The following NKAIN3 variants were observed in gnomAD, a reference collection of about 807,000 sequenced individuals.
NKAIN3 encodes sodium/potassium-transporting ATPase subunit beta-1-interacting protein 3.
Under a neutral mutation model 30.2 loss-of-function variants are expected in NKAIN3, and 25 were observed. The observed-to-expected ratio is 0.83, with a 90% CI of 0.60 to 1.16. NKAIN3 has a LOEUF of 1.16. NKAIN3 is among the 50% of genes most tolerant of loss of function. NKAIN3 has a pLI of 0.00. For missense variants in NKAIN3, 225 were observed against 254.1 expected, an observed-to-expected ratio of 0.89 and a Z score of 0.78; for synonymous variants, 91 against 89.6, an observed-to-expected ratio of 1.02 and a Z score of -0.09.
chr8:62,908,801 A>G (rs184468400), intron 4 of NKAIN3, among the ~76,000 whole-genome samples: 146 of 152,326 alleles, frequency 9.6e-4, no homozygotes, highest in Middle Eastern at 6.8e-3. Context: ...TATTAGAAGC[A>G]TGAGAACAGA....
intron 1 of NKAIN3, among the ~76,000 whole-genome samples, chr8:62,544,782 CT>C (rs1034812644): frequency 1.3e-5 from 2 of 152,076 alleles, no homozygotes; most frequent in Non-Finnish European, 2.9e-5. Context: ...TTGCATATAA[CT>C]TTTGACTCTC....
intron 1 of NKAIN3, among the ~76,000 whole-genome samples, chr8:62,504,942 A>G (rs1401105882): frequency 1.3e-5 from 2 of 152,178 alleles, no homozygotes; most frequent in Non-Finnish European, 2.9e-5. Context: ...AATGCCAGTT[A>G]CTTTAGCCAG....
intron 1 of NKAIN3, among the ~76,000 whole-genome samples, chr8:62,500,457 GAAAGAAAGAA>G (rs1479119481): frequency 4.1e-5 from 5 of 121,224 alleles, no homozygotes; most frequent in Non-Finnish European, 5.0e-5. Flanking sequence ...AAGAAAGAAA[GAAAGAAAGAA>G]AGAAAGAAAG....
intron 1 of NKAIN3, among the ~76,000 whole-genome samples, chr8:62,454,428 A>G (rs567706938): frequency 6.6e-6 from 1 of 151,570 alleles, no homozygotes; most frequent in Middle Eastern, 3.4e-3. Flanking sequence ...GTTGGATTGG[A>G]CAAGCTTGTA....
chr8:62,585,531 G>A (rs1810442246), intron 2 of NKAIN3, among the ~76,000 whole-genome samples: 1 of 152,156 alleles, frequency 6.6e-6, no homozygotes, highest in African/African-American at 2.4e-5. Flanking sequence ...GAGGTTGGGC[G>A]AGTTGGTTTT....
At chr8:62,271,897 T>C (rs73683077) in intron 1 of NKAIN3, among the ~76,000 whole-genome samples, 5,065 of 152,236 alleles carry the variant, frequency 0.033, 312 homozygotes, top group African/African-American at 0.12. Flanking sequence ...GCCTCCATGT[T>C]GCGGTGAGGG....
intron 1 of NKAIN3, among the ~76,000 whole-genome samples, chr8:62,265,694 T>G (rs1453496997): frequency 6.6e-6 from 1 of 152,216 alleles, no homozygotes; most frequent in Non-Finnish European, 1.5e-5. Context: ...AAGCTCTGCA[T>G]GGTGAAAACT....
intron 4 of NKAIN3, among the ~76,000 whole-genome samples, chr8:62,810,524 A>G (rs1018334256): frequency 2.0e-5 from 3 of 151,978 alleles, no homozygotes; most frequent in African/African-American, 7.3e-5. Flanking sequence ...GTCAAACTAG[A>G]TATCTCTTTT....
At chr8:62,602,133 TG>T (rs1387361922) in intron 3 of NKAIN3, among the ~76,000 whole-genome samples, 2 of 152,056 alleles carry the variant, frequency 1.3e-5, no homozygotes, top group African/African-American at 4.8e-5. Context: ...TGCCACAACC[TG>T]GGTAGTATTA....
chr8:62,731,616 C>G (rs1283596959), intron 3 of NKAIN3, among the ~76,000 whole-genome samples: 1 of 152,082 alleles, frequency 6.6e-6, no homozygotes, highest in Non-Finnish European at 1.5e-5. Flanking sequence ...GAAGTTAGCT[C>G]GGGCTCCCAT....
intron 4 of NKAIN3, among the ~76,000 whole-genome samples, chr8:62,754,349 C>T (rs761248208): frequency 7.3e-6 from 1 of 136,108 alleles, no homozygotes; most frequent in East Asian, 2.1e-4. Flanking sequence ...TTCATATGCT[C>T]ATGTTGATTA....
At chr8:62,848,883 A>G (rs549763386) in intron 4 of NKAIN3, among the ~76,000 whole-genome samples, 22 of 152,240 alleles carry the variant, frequency 1.4e-4, no homozygotes, top group Middle Eastern at 3.4e-3. Flanking sequence ...GGGATGTTAA[A>G]TTTTATCAAA....
At chr8:62,711,093 A>G (rs1388606729) in intron 3 of NKAIN3, among the ~76,000 whole-genome samples, 1 of 152,146 alleles carries the variant, frequency 6.6e-6, no homozygotes, top group Admixed American at 6.5e-5. Context: ...TAGGGTTCCT[A>G]CCGAGAAATC....
chr8:62,719,994 T>C (rs1434727809), intron 3 of NKAIN3, among the ~76,000 whole-genome samples: 1 of 152,026 alleles, frequency 6.6e-6, no homozygotes, highest in Non-Finnish European at 1.5e-5. Flanking sequence ...CCTGGCCTTG[T>C]GATCCGCCCG....
At chr8:62,361,316 C>T (rs940068323) in intron 1 of NKAIN3, among the ~76,000 whole-genome samples, 1 of 152,148 alleles carries the variant, frequency 6.6e-6, no homozygotes, top group Non-Finnish European at 1.5e-5. Context: ...TTTGCTTTGC[C>T]TTTGAAGTTT....
chr8:62,275,927 GC>G (rs1812939265), intron 1 of NKAIN3, among the ~76,000 whole-genome samples: 1 of 152,082 alleles, frequency 6.6e-6, no homozygotes, highest in South Asian at 2.1e-4. Context: ...GGCTGTAACA[GC>G]TATGTAGAAA....
At chr8:62,469,818 A>G (rs1585843474) in intron 1 of NKAIN3, among the ~76,000 whole-genome samples, 1 of 152,186 alleles carries the variant, frequency 6.6e-6, no homozygotes, top group Non-Finnish European at 1.5e-5. Flanking sequence ...CAACAGGATG[A>G]CCTAACCTAT....
At chr8:62,831,041 T>C (rs887398857) in intron 4 of NKAIN3, among the ~76,000 whole-genome samples, 26 of 151,984 alleles carry the variant, frequency 1.7e-4, no homozygotes, top group African/African-American at 6.0e-4. Context: ...TAAATAATAA[T>C]CAACTATCAG....
At chr8:62,586,239 A>G (rs1810468847) in intron 2 of NKAIN3, among the ~76,000 whole-genome samples, 1 of 152,198 alleles carries the variant, frequency 6.6e-6, no homozygotes, top group African/African-American at 2.4e-5. Context: ...TCACTGCTCA[A>G]CATGAAATTG....
Sources: gnomAD v4.1 joint callset for allele counts (sites outside exome capture counted in the v4.1 genomes callset) on GRCh38, gnomAD v4.1.1 for gene constraint, MANE v1.5 for transcripts, NCBI Gene and HGNC (gene_info 2026-07-23, HGNC 2026-07-21) for gene names.